The following ERBB2 variants were observed in gnomAD, a reference collection of about 807,000 sequenced individuals.
The protein encoded by ERBB2 is erb-b2 receptor tyrosine kinase 2.
Under a neutral mutation model 149.0 loss-of-function variants are expected in ERBB2, and 61 were observed. That is an observed-to-expected ratio of 0.41 (90% CI 0.33 to 0.51). ERBB2 has a LOEUF of 0.51. ERBB2 is among the 20% of genes least tolerant of loss of function. The probability of loss-of-function intolerance (pLI) is 0.25; values close to 1 mark genes in which losing one functional copy is unlikely to be tolerated. For synonymous variants in ERBB2, 633 were observed against 678.8 expected, an observed-to-expected ratio of 0.93 and a Z score of 1.05; for missense variants, 1,205 against 1,655.1, an observed-to-expected ratio of 0.73 and a Z score of 4.72.
intron 1 of ERBB2, 128 bp downstream of exon 1, chr17:39,700,439 G>A: frequency 5.2e-6 from 4 of 773,092 alleles, no homozygotes; most frequent in Non-Finnish European, 7.0e-6. Context: ...GTTGTGGACA[G>A]TCGAGACGCT....
chr17:39,728,548 T>A lies in ERBB2; in HGVS notation c.*504T>A. 1 of 234,180 alleles carries A rather than the reference T, an allele frequency of 4.3e-6. No individual in the cohort carries two copies. The highest frequency in any genetic ancestry group is 8.4e-6 in the Non-Finnish European group (1 of 118,648). The allele number at this position is 234,180 out of a possible 1,614,324, so 14.5% of individuals were successfully genotyped here. ...TTTTACTTTTTTTGTTTTGTTTTTT[T>A]AAAGATGAAATAAAGACCCAGGGGG... On this transcript the variant is annotated 3_prime_UTR_variant, in exon 27 of 27. Coordinates refer to ENST00000269571, the MANE Select transcript of ERBB2 (RefSeq NM_004448.4).
chr17:39,721,720 G>A (rs890444962), intron 16 of ERBB2, among the ~76,000 whole-genome samples: 1 of 152,126 alleles, frequency 6.6e-6, no homozygotes, highest in Admixed American at 6.5e-5. Context: ...GTACATTCCT[G>A]TACCCATGCA....
chr17:39,699,657 G>A, upstream of ERBB2: 1 of 1,012,240 alleles, frequency 9.9e-7, no homozygotes, highest in South Asian at 1.4e-5. Flanking sequence ...ACCATTATTT[G>A]ATATTAAAAC....
intron 7 of ERBB2, 108 bp downstream of exon 7, chr17:39,710,589 A>T: frequency 7.6e-7 from 1 of 1,310,584 alleles, no homozygotes; most frequent in South Asian, 1.3e-5. Flanking sequence ...AGAGCTGGTC[A>T]TGACAGTTCC....
rs1403692757 is a variant in ERBB2, at chr17:39,709,847, C to T, written c.609C>T (p.Arg203=). Residue 203 remains arginine, a synonymous_variant, in exon 5 of 27, where the codon CGC becomes CGT. Coordinates refer to ENST00000269571, the MANE Select transcript of ERBB2 (RefSeq NM_004448.4). ...GTTCTCCGATGTGTAAGGGCTCCCG[C>T]TGCTGGGGAGAGAGTTCTGAGGATT... ...HPCSPMCKGS[R]CWGESSEDCQ... The T allele has an allele frequency of 6.2e-7, 1 of 1,613,528 alleles. No homozygotes were observed. Among genetic ancestry groups the T allele is most frequent in the South Asian group, 1.1e-5 (1 of 91,090 alleles).
At chr17:39,691,922 C>CATAT (rs1171342693), upstream of ERBB2, among the ~76,000 whole-genome samples, 4 of 98,418 alleles carry the variant, frequency 4.1e-5, no homozygotes, top group African/African-American at 1.6e-4. Flanking sequence ...TATACATATA[C>CATAT]ATATACATAT....
intron 1 of ERBB2, among the ~76,000 whole-genome samples, chr17:39,705,584 A>G (rs776715760): frequency 5.9e-5 from 9 of 151,972 alleles, no homozygotes; most frequent in Non-Finnish European, 1.2e-4. Flanking sequence ...CTTTGTCCTT[A>G]TCTGCCTAGA....
chr17:39,703,131 C>T (rs981523008), intron 1 of ERBB2: 1 of 152,332 alleles, frequency 6.6e-6, no homozygotes, highest in African/African-American at 2.4e-5. Context: ...TGCCTGTCTT[C>T]CTTTTGGGCC....
upstream of ERBB2, chr17:39,699,393 A>G: frequency 3.5e-6 from 2 of 572,424 alleles, no homozygotes; most frequent in Non-Finnish European, 6.1e-6. Context: ...CCAGGGAGGC[A>G]GAGGTTGTGG....
upstream of ERBB2, among the ~76,000 whole-genome samples, chr17:39,698,010 TAAAGAGAGTTTCCC>T (rs1046410985): frequency 3.3e-5 from 5 of 152,074 alleles, no homozygotes; most frequent in African/African-American, 1.2e-4. Flanking sequence ...ATTACTTTCT[TAAAGAGAGTTTCCC>T]AAATTATATA....
upstream of ERBB2, chr17:39,699,460 TAA>T (rs148416049): frequency 5.8e-3 from 6,157 of 1,065,588 alleles, no homozygotes; most frequent in South Asian, 7.0e-3. Context: ...AAAGTTCGTT[TAA>T]AAAAAAAAAA....
chr17:39,710,242 AGGATGCAAGGGGTGGGCACCCTGCCT>A, intron 6 of ERBB2, 41 bp downstream of exon 6: 1 of 1,607,556 alleles, frequency 6.2e-7, no homozygotes, highest in Non-Finnish European at 8.5e-7. Context: ...TCTACCCCCC[AGGATGCAAGGGGTGGGCACCCTGCCT>A]GGTACTGCCC....
upstream of ERBB2, among the ~76,000 whole-genome samples, chr17:39,697,928 G>A (rs186757201): frequency 6.1e-4 from 93 of 151,946 alleles, no homozygotes; most frequent in Admixed American, 5.0e-3. Flanking sequence ...TCCTGACCTC[G>A]TGATCTGCCT....
upstream of ERBB2, among the ~76,000 whole-genome samples, chr17:39,691,719 A>G (rs984244605): frequency 4.0e-5 from 6 of 149,136 alleles, no homozygotes; most frequent in African/African-American, 1.5e-4. Flanking sequence ...ATTGTTTTCA[A>G]TAGCAAGAAG....
Position 39,725,271 on chromosome 17 carries a change from G to A in ERBB2, c.2650-56G>A, listed in dbSNP as rs191150682. ...GGTGTCTAGCCCATGGGAGAACTCTGAGTGGCCACCTCCCCACAACACACA... is the reference window on the plus strand; with the variant it reads ...GGTGTCTAGCCCATGGGAGAACTCTAAGTGGCCACCTCCCCACAACACACA... On this transcript the variant is annotated intron_variant, in intron 21 of 26. Coordinates refer to ENST00000269571, the MANE Select transcript of ERBB2 (RefSeq NM_004448.4). The surrounding 1 kb of genome is among the most constrained non-coding windows in gnomAD (Gnocchi z 4.6). 335 of 1,613,268 alleles carry A rather than the reference G, an allele frequency of 2.1e-4. 1 individual carries two copies. In the African/African-American group the frequency reaches 4.2e-3, roughly 20 times the overall value.
At chr17:39,722,365 T>C (rs750987990) in intron 16 of ERBB2, among the ~76,000 whole-genome samples, 41 of 151,952 alleles carry the variant, frequency 2.7e-4, no homozygotes, top group Non-Finnish European at 5.0e-4. Context: ...TAGCTGAGTG[T>C]GGTGGCGTGT....
At chr17:39,694,430 G>A (rs1438138711), upstream of ERBB2, among the ~76,000 whole-genome samples, 1 of 150,844 alleles carries the variant, frequency 6.6e-6, no homozygotes, top group African/African-American at 2.4e-5. Flanking sequence ...CACTGGTGGA[G>A]GGGTAGTGAT....
intron 15 of ERBB2, 148 bp from the exon 16 acceptor site, chr17:39,719,639 A>C: frequency 1.3e-6 from 1 of 758,458 alleles, no homozygotes; most frequent in Non-Finnish European, 2.4e-6. Flanking sequence ...TGGTAGAAGG[A>C]GCACTGACGG....
chr17:39,724,685 G>A (rs375232316), intron 19 of ERBB2, 41 bp from the exon 20 acceptor site: 2 of 1,570,574 alleles, frequency 1.3e-6, no homozygotes, highest in African/African-American at 1.3e-5. Flanking sequence ...GTTTGGGGGT[G>A]TGTGGTCTCC....
Sources: allele counts gnomAD v4.1 joint callset (sites outside exome capture counted in the v4.1 genomes callset), GRCh38; gene constraint gnomAD v4.1.1; non-coding constraint Gnocchi (gnomAD v3.1); transcripts MANE v1.5; gene names NCBI Gene and HGNC (gene_info 2026-07-23, HGNC 2026-07-21).